The following ATP2B4 variants were observed in gnomAD, a reference collection of about 807,000 sequenced individuals.
ATP2B4 encodes ATPase plasma membrane Ca2+ transporting 4.
A neutral mutation model predicts 110.3 loss-of-function variants in ATP2B4; 39 were observed. The ratio of observed to expected loss-of-function variants is 0.35; its 90% confidence interval spans 0.27 to 0.46. ATP2B4 has a LOEUF of 0.46. Among genes scored for constraint, ATP2B4 ranks in the 20% least tolerant of loss-of-function variants. ATP2B4 has a pLI of 1.00. For missense variants in ATP2B4, 1,135 were observed against 1,530.9 expected, an observed-to-expected ratio of 0.74 and a Z score of 4.32; for synonymous variants, 538 against 571.7, an observed-to-expected ratio of 0.94 and a Z score of 0.84.
At chr1:203,639,293 A>G (rs1663556175) in intron 1 of ATP2B4, among the ~76,000 whole-genome samples, 1 of 152,186 alleles carries the variant, frequency 6.6e-6, no homozygotes, top group Non-Finnish European at 1.5e-5. Context: ...TTGTTCACTT[A>G]TCCATTTATT....
At chr1:203,656,008 G>A (rs989331299) in intron 1 of ATP2B4, among the ~76,000 whole-genome samples, 4 of 151,558 alleles carry the variant, frequency 2.6e-5, no homozygotes, top group East Asian at 1.9e-4. Context: ...GGGTTCAAGC[G>A]ATTCTCTCAA....
At chr1:203,672,324 C>CTTTTTTTTTTTTTTTTTTTTTTT (rs57144862) in intron 1 of ATP2B4, among the ~76,000 whole-genome samples, 1 of 79,626 alleles carries the variant, frequency 1.3e-5, no homozygotes, top group Non-Finnish European at 2.2e-5. Flanking sequence ...TGCGGTGGCT[C>CTTTTTTTTTTTTTTTTTTTTTTT]TTTTTTTTTT....
chr1:203,698,852 G>A (rs1665609982), intron 3 of ATP2B4, among the ~76,000 whole-genome samples: 1 of 151,926 alleles, frequency 6.6e-6, no homozygotes, highest in African/African-American at 2.4e-5. Context: ...GGCCAGACTG[G>A]TATCAAACTC....
In ATP2B4 at chr1:203,678,785, C is replaced by T. The variant is rs1423855149; in HGVS notation, c.-464-3957C>T. Reference sequence around the variant, plus strand: ...GCTCAAGAGAAGGAGCAAAGTGTAACAAAAAGAGCACCAGGCAGTCAAGAC... The same window carrying T: ...GCTCAAGAGAAGGAGCAAAGTGTAATAAAAAGAGCACCAGGCAGTCAAGAC... On this transcript the variant is annotated intron_variant, in intron 1 of 20. Coordinates refer to ENST00000357681, the MANE Select transcript of ATP2B4 (RefSeq NM_001684.5). Among the ~76,000 whole-genome samples the T allele has an allele frequency of 3.3e-5, 5 of 152,056 alleles. No homozygotes were observed. In the South Asian group the frequency reaches 1.0e-3, roughly 32 times the overall value.
chr1:203,699,801 T>A (rs939022348), intron 4 of ATP2B4, 84 bp downstream of exon 4: 4 of 1,554,470 alleles, frequency 2.6e-6, no homozygotes, highest in Admixed American at 1.9e-5. Flanking sequence ...GGCTGGGAAT[T>A]GCTGAAAACC....
chr1:203,726,887 A>G (rs1666538975), intron 19 of ATP2B4, among the ~76,000 whole-genome samples: 2 of 152,156 alleles, frequency 1.3e-5, no homozygotes, highest in African/African-American at 4.8e-5. Flanking sequence ...AGAGTTTGTA[A>G]CACAGAAACT....
At position 203,702,048 on chromosome 1, in the gene ATP2B4, A is replaced by G. The variant is rs775156103; in HGVS notation, c.906A>G (p.Lys302=). ...TTTTCTTTCTTGTTCAAACAGGTAA[A>G]AAACAAGGAGTCCCTGAAAATCGCA... ...DDEGEKKKKG[K]KQGVPENRNK... is the part of the protein sequence containing the mutation. Residue 302 remains lysine, a synonymous_variant, in exon 7 of 21, where the codon AAA becomes AAG. Transcript: ENST00000357681. 6.2e-7 allele frequency: 1 copy of G among 1,614,106 alleles called. No homozygotes were observed. Among genetic ancestry groups the G allele is most frequent in the South Asian group, 1.1e-5 (1 of 91,068 alleles).
intron 2 of ATP2B4, among the ~76,000 whole-genome samples, chr1:203,686,622 A>ACTGC (rs10625220): frequency 0.84 from 124,365 of 148,812 alleles, 52,683 homozygotes; most frequent in East Asian, 1. Context: ...ACAATTTTCT[A>ACTGC]CTGCCATGTA....
chr1:203,727,354 G>A (rs1230725651), intron 19 of ATP2B4, 41 bp from the exon 20 acceptor site: 21 of 1,605,810 alleles, frequency 1.3e-5, no homozygotes, highest in African/African-American at 1.3e-5. Flanking sequence ...CTCTTCTCAC[G>A]CTGATTCTGA....
At chr1:203,645,024 G>A (rs1418180729) in intron 1 of ATP2B4, among the ~76,000 whole-genome samples, 1 of 152,134 alleles carries the variant, frequency 6.6e-6, no homozygotes, top group Non-Finnish European at 1.5e-5. Context: ...TAGTGTCACT[G>A]GCACAAAACA....
chr1:203,708,228 G>A (rs1467358838), intron 10 of ATP2B4, 124 bp downstream of exon 10: 28 of 1,386,562 alleles, frequency 2.0e-5, no homozygotes, highest in East Asian at 6.9e-5. Flanking sequence ...CATTTCTCAC[G>A]CTGGAGTGAA....
chr1:203,658,027 T>C (rs979439865), intron 1 of ATP2B4, among the ~76,000 whole-genome samples: 3 of 152,106 alleles, frequency 2.0e-5, no homozygotes, highest in African/African-American at 4.8e-5. Context: ...CAAAATATAT[T>C]TTAATTAAGG....
chr1:203,704,850 A>C (rs199847153), intron 8 of ATP2B4, among the ~76,000 whole-genome samples: 1 of 152,234 alleles, frequency 6.6e-6, no homozygotes, highest in Middle Eastern at 3.4e-3. Context: ...TAATCAGCAC[A>C]TCTCTGCACT....
intron 2 of ATP2B4, among the ~76,000 whole-genome samples, chr1:203,692,224 C>G (rs1665400564): frequency 6.6e-6 from 1 of 151,972 alleles, no homozygotes; most frequent in African/African-American, 2.4e-5. Flanking sequence ...GTTGCCCAGG[C>G]TGGAATGTAG....
chr1:203,714,786 A>G (rs1451254389), intron 15 of ATP2B4, among the ~76,000 whole-genome samples: 4 of 152,170 alleles, frequency 2.6e-5, no homozygotes, highest in Non-Finnish European at 5.9e-5. Flanking sequence ...ATGTTCAGAA[A>G]GGTTTAGAAG....
intron 20 of ATP2B4, among the ~76,000 whole-genome samples, chr1:203,729,284 C>T (rs971750199): frequency 3.3e-5 from 5 of 151,380 alleles, no homozygotes; most frequent in African/African-American, 1.2e-4. Context: ...CGGTGGCTCA[C>T]GCCTGTAATC....
At chr1:203,633,853 C>G (rs1369263787) in intron 1 of ATP2B4, among the ~76,000 whole-genome samples, 2 of 151,948 alleles carry the variant, frequency 1.3e-5, no homozygotes, top group South Asian at 2.1e-4. Flanking sequence ...GAGTTTTAGA[C>G]TAGCCTGACC....
At chr1:203,649,951 C>T (rs1189533169) in intron 1 of ATP2B4, among the ~76,000 whole-genome samples, 1 of 152,178 alleles carries the variant, frequency 6.6e-6, no homozygotes, top group African/African-American at 2.4e-5. Flanking sequence ...GGTTACCTCC[C>T]CTTCTTCCAG....
chr1:203,729,155 C>G (rs1389523419), intron 20 of ATP2B4, among the ~76,000 whole-genome samples: 1 of 151,962 alleles, frequency 6.6e-6, no homozygotes, highest in Non-Finnish European at 1.5e-5. Context: ...CCCAGTCAAT[C>G]CCACCTCGTT....
Sources: gnomAD v4.1 joint callset for allele counts (sites outside exome capture counted in the v4.1 genomes callset) on GRCh38, gnomAD v4.1.1 for gene constraint, MANE v1.5 for transcripts, NCBI Gene and HGNC (gene_info 2026-07-23, HGNC 2026-07-21) for gene names.